SLC25A48: variants seen among roughly 807,000 people sequenced by gnomAD.
SLC25A48 encodes solute carrier family 25 member 48, also known as CTC-321K16.1.
SLC25A48 carries 29 observed loss-of-function variants against 32.2 expected under a neutral mutation model. That is an observed-to-expected ratio of 0.90 (90% CI 0.67 to 1.23). SLC25A48 has a LOEUF of 1.23. Among genes scored for constraint, SLC25A48 ranks in the 50% most tolerant of loss-of-function variants. SLC25A48 has a pLI of 0.00. For synonymous variants in SLC25A48, 164 were observed against 172.3 expected (o/e 0.95, Z 0.38); for missense variants, 399 against 422.7 (o/e 0.94, Z 0.49).
chr5:135,773,988 G>A (rs1324830542), intron 3 of SLC25A48, among the ~76,000 whole-genome samples: 1 of 151,678 alleles, frequency 6.6e-6, no homozygotes, highest in Non-Finnish European at 1.5e-5. Context: ...TAATATCCAA[G>A]GGGAAAGAGG....
At chr5:135,802,542 T>TG (rs1483602555) in intron 3 of SLC25A48, among the ~76,000 whole-genome samples, 1 of 151,194 alleles carries the variant, frequency 6.6e-6, no homozygotes, top group East Asian at 1.9e-4. Context: ...AGTATGACAG[T>TG]GGGGGGTACA....
At chr5:135,884,006 C>T (rs550707014) in intron 7 of SLC25A48, among the ~76,000 whole-genome samples, 69 of 152,284 alleles carry the variant, frequency 4.5e-4, no homozygotes, top group African/African-American at 1.6e-3. Flanking sequence ...CTGAGTGGCG[C>T]CTCAGAGTCT....
At position 135,852,774 on chromosome 5, in the gene SLC25A48, A is replaced by T. The variant is rs777966632; in HGVS notation, c.374A>T (p.Asp125Val). ...TCTGTCGGGCTGGGAGGGCCCGTGG[A>T]CCTCATCAAGATCCGGTTGCAGATG... The part of the protein sequence containing the change: ...VVSVGLGGPV[D>V]LIKIRLQMQT... Residue 125 changes from aspartate (D) to valine (V), a missense_variant, in exon 4 of 8, where the codon GAC becomes GTC. Coordinates refer to ENST00000681962, the MANE Select transcript of SLC25A48 (RefSeq NM_001349336.2). 1 of 1,613,606 alleles carries T rather than the reference A, an allele frequency of 6.2e-7. No homozygotes were observed. Among genetic ancestry groups the T allele is most frequent in the Non-Finnish European group, 8.5e-7 (1 of 1,179,646 alleles).
At chr5:135,734,674 G>A (rs993874333) in intron 3 of SLC25A48, among the ~76,000 whole-genome samples, 1 of 151,918 alleles carries the variant, frequency 6.6e-6, no homozygotes, top group Non-Finnish European at 1.5e-5. Context: ...AAAATTAGCC[G>A]GGCGCAGAGG....
intron 3 of SLC25A48, among the ~76,000 whole-genome samples, chr5:135,640,364 G>A (rs1752803369): frequency 1.3e-5 from 2 of 152,052 alleles, no homozygotes; most frequent in Admixed American, 1.3e-4. Context: ...AGAAATAATT[G>A]GCTCAAAATT....
intron 6 of SLC25A48, among the ~76,000 whole-genome samples, chr5:135,879,609 AGAGTGT>A (rs1457890081): frequency 0.015 from 1,870 of 127,034 alleles, 31 homozygotes; most frequent in African/African-American, 0.068. Flanking sequence ...AGAGAGAGAG[AGAGTGT>A]GTGTGTGTGT....
At chr5:135,810,776 C>A (rs17169135) in intron 3 of SLC25A48, among the ~76,000 whole-genome samples, 1 of 152,114 alleles carries the variant, frequency 6.6e-6, no homozygotes, top group African/African-American at 2.4e-5. Flanking sequence ...CATCACTGAA[C>A]GCCTTCGCTT....
chr5:135,703,827 G>A (rs976830546), intron 3 of SLC25A48, among the ~76,000 whole-genome samples: 1 of 152,154 alleles, frequency 6.6e-6, no homozygotes, highest in Non-Finnish European at 1.5e-5. Context: ...CTCTTCTCCA[G>A]GGCCCACTCA....
At chr5:135,781,066 C>G (rs79374779) in intron 3 of SLC25A48, among the ~76,000 whole-genome samples, 1 of 115,820 alleles carries the variant, frequency 8.6e-6, no homozygotes, top group Non-Finnish European at 2.1e-5. Context: ...TACACCACCT[C>G]TGATATTGTT....
intron 3 of SLC25A48, among the ~76,000 whole-genome samples, chr5:135,702,508 A>G (rs1319269957): frequency 6.6e-6 from 1 of 152,242 alleles, no homozygotes; most frequent in Non-Finnish European, 1.5e-5. Context: ...CGGCCCTGCC[A>G]ATCCCTTGAT....
At chr5:135,868,433 T>G (rs1426811173) in intron 4 of SLC25A48, among the ~76,000 whole-genome samples, 1 of 152,176 alleles carries the variant, frequency 6.6e-6, no homozygotes, top group East Asian at 1.9e-4. Context: ...ATAAAGGGCA[T>G]GCATGAAGAT....
intron 7 of SLC25A48, chr5:135,882,964 T>C: frequency 1.1e-6 from 1 of 870,104 alleles, no homozygotes; most frequent in Non-Finnish European, 1.4e-6. Flanking sequence ...CTCTTACTGC[T>C]TCACAAACCC....
intron 4 of SLC25A48, among the ~76,000 whole-genome samples, chr5:135,820,345 G>C (rs1002799013): frequency 2.6e-5 from 4 of 152,206 alleles, no homozygotes; most frequent in African/African-American, 4.8e-5. Context: ...TTCTAGAATA[G>C]GTAAAATGAA....
rs199622472 is a variant in SLC25A48, at chr5:135,808,195, AT to A, written c.-520-4326del. Among the ~76,000 whole-genome samples, 1,064 of 150,696 alleles carry A rather than the reference AT, an allele frequency of 7.1e-3. 11 individuals are homozygous for A. Among genetic ancestry groups the A allele is most frequent in the African/African-American group, 0.024 (997 of 41,288 alleles). Reference sequence around the variant, plus strand: ...TGTGTTAACACTAGATATTATAAATATTATAGATATTTTATTAACATAGTGT... The same window carrying A: ...TGTGTTAACACTAGATATTATAAATATATAGATATTTTATTAACATAGTGT... On this transcript the variant is annotated intron_variant, in intron 3 of 10. Transcript: ENST00000646290.
intron 4 of SLC25A48, among the ~76,000 whole-genome samples, chr5:135,818,979 G>C (rs1365773009): frequency 6.6e-6 from 1 of 151,990 alleles, no homozygotes; most frequent in Non-Finnish European, 1.5e-5. Context: ...GTGATGTCAA[G>C]AGGAAAGAGT....
chr5:135,592,704 G>A (rs571797472), intron 1 of SLC25A48, among the ~76,000 whole-genome samples: 13 of 152,274 alleles, frequency 8.5e-5, no homozygotes, highest in Admixed American at 1.3e-4. Context: ...AGCACCACAG[G>A]TGTGTCCTGA....
chr5:135,842,129 TG>T (rs1350855688), intron 1 of SLC25A48, among the ~76,000 whole-genome samples: 1 of 152,160 alleles, frequency 6.6e-6, no homozygotes, highest in Admixed American at 6.5e-5. Context: ...ATTTTGTATA[TG>T]GTATGAGGTA....
chr5:135,792,380 G>T (rs1278866400), intron 3 of SLC25A48, among the ~76,000 whole-genome samples: 2 of 151,516 alleles, frequency 1.3e-5, no homozygotes, highest in Admixed American at 6.6e-5. Flanking sequence ...ACCACAGGGG[G>T]TGATATCATT....
chr5:135,715,805 C>T (rs1754782939), intron 3 of SLC25A48, among the ~76,000 whole-genome samples: 1 of 152,220 alleles, frequency 6.6e-6, no homozygotes, highest in African/African-American at 2.4e-5. Context: ...GGCAGCAGTG[C>T]CTCATTAAAG....
Sources: gnomAD v4.1 joint callset for allele counts (sites outside exome capture counted in the v4.1 genomes callset) on GRCh38, gnomAD v4.1.1 for gene constraint, MANE v1.5 for transcripts, NCBI Gene and HGNC (gene_info 2026-07-23, HGNC 2026-07-21) for gene names.